TMTC1: variants seen among roughly 807,000 people sequenced by gnomAD.
TMTC1 encodes transmembrane O-mannosyltransferase targeting cadherins 1, also known as protein O-mannosyl-transferase TMTC1.
TMTC1 carries 73 observed loss-of-function variants against 104.8 expected under a neutral mutation model. The observed-to-expected ratio is 0.70, with a 90% confidence interval of 0.58 to 0.85. TMTC1 has a LOEUF of 0.85. TMTC1 is among the 40% of genes least tolerant of loss of function. The pLI, the probability that TMTC1 is intolerant of heterozygous loss-of-function variation, is 0.00. For synonymous variants in TMTC1, 434 were observed against 428.7 expected (o/e 1.01, Z -0.15); for missense variants, 1,035 against 1,096.1 (o/e 0.94, Z 0.79).
chr12:29,708,801 A>G (rs150220499), intron 5 of TMTC1, among the ~76,000 whole-genome samples: 2 of 152,336 alleles, frequency 1.3e-5, no homozygotes, highest in Non-Finnish European at 2.9e-5. Flanking sequence ...TAGGAGATAG[A>G]GCCTCTGCAA....
In TMTC1 at chr12:29,565,984, G is replaced by C. The variant is rs1222615021; in HGVS notation, c.1532+6121C>G. 2.0e-5 allele frequency among the ~76,000 whole-genome samples: 3 copies of C among 152,312 alleles called. No homozygotes were observed. In the East Asian group the frequency reaches 5.8e-4, roughly 29 times the overall value. ...TAAGGACAAAGATTTCTGCTTTCATGCAGTTTACTGGGTAGAGGAGGGACA... is the reference window on the plus strand; with the variant it reads ...TAAGGACAAAGATTTCTGCTTTCATCCAGTTTACTGGGTAGAGGAGGGACA... On this transcript the variant is annotated intron_variant, in intron 9 of 17. Transcript: ENST00000539277.
At chr12:29,589,057 A>C (rs1354442466) in intron 7 of TMTC1, among the ~76,000 whole-genome samples, 1 of 152,236 alleles carries the variant, frequency 6.6e-6, no homozygotes, top group African/African-American at 2.4e-5. Context: ...TAAAAGCTTA[A>C]CTATCTCCAC....
intron 8 of TMTC1, among the ~76,000 whole-genome samples, chr12:29,577,508 A>G (rs77006157): frequency 2.4e-3 from 373 of 152,278 alleles, no homozygotes; most frequent in African/African-American, 8.7e-3. Flanking sequence ...TGTCACTCCT[A>G]TGGTACACGG....
At chr12:29,638,705 C>T (rs1938683860) in intron 5 of TMTC1, among the ~76,000 whole-genome samples, 1 of 152,118 alleles carries the variant, frequency 6.6e-6, no homozygotes, top group Non-Finnish European at 1.5e-5. Context: ...AAGACTCTCC[C>T]CATGACCGGC....
Position 29,591,858 on chromosome 12 carries a change from ATAGT to A in TMTC1, c.1251-8288_1251-8285del, listed in dbSNP as rs894346206. ...CTTGTTAGCAGCGAATTGTTGTGTA[ATAGT>A]TAGTACAAATGTACTTTCCTGAAAC... On this transcript the variant is annotated intron_variant, in intron 7 of 17. Coordinates refer to ENST00000539277, the MANE Select transcript of TMTC1 (RefSeq NM_001193451.2). 3.8e-4 allele frequency among the ~76,000 whole-genome samples: 58 copies of A among 152,346 alleles called. 1 individual carries two copies. Among genetic ancestry groups the A allele is most frequent in the African/African-American group, 1.3e-3 (52 of 41,574 alleles).
chr12:29,568,300 G>T (rs537939296), intron 9 of TMTC1, among the ~76,000 whole-genome samples: 5 of 152,074 alleles, frequency 3.3e-5, no homozygotes, highest in Non-Finnish European at 7.4e-5. Context: ...AGTGTGAAGA[G>T]GAATTATTTC....
intron 5 of TMTC1, among the ~76,000 whole-genome samples, chr12:29,726,136 T>C (rs991453809): frequency 8.5e-5 from 13 of 152,130 alleles, no homozygotes; most frequent in Admixed American, 8.5e-4. Context: ...GAAAAAACAA[T>C]GCAGTCAGTC....
intron 16 of TMTC1, among the ~76,000 whole-genome samples, chr12:29,513,006 G>A (rs1943882325): frequency 6.6e-6 from 1 of 152,132 alleles, no homozygotes; most frequent in African/African-American, 2.4e-5. Flanking sequence ...TTAGGGGAAA[G>A]AAAGAAATGT....
intron 5 of TMTC1, among the ~76,000 whole-genome samples, chr12:29,654,568 A>C (rs2136615199): frequency 6.6e-6 from 1 of 152,324 alleles, no homozygotes; most frequent in Admixed American, 6.5e-5. Context: ...TAAAACATAA[A>C]GTTAACATTT....
At chr12:29,605,863 CCCCT>C (rs1195967276) in intron 6 of TMTC1, among the ~76,000 whole-genome samples, 2 of 152,154 alleles carry the variant, frequency 1.3e-5, no homozygotes, top group Non-Finnish European at 2.9e-5. Context: ...GCCTCCCTTT[CCCCT>C]CCCTCCTTTC....
chr12:29,696,784 T>A (rs978047424), intron 5 of TMTC1, among the ~76,000 whole-genome samples: 9 of 152,144 alleles, frequency 5.9e-5, no homozygotes, highest in African/African-American at 2.2e-4. Context: ...ATGGAGAAGG[T>A]ATTTTGTGCA....
chr12:29,640,824 G>A (rs1262645990), intron 5 of TMTC1: 1 of 152,250 alleles, frequency 6.6e-6, no homozygotes, highest in Non-Finnish European at 1.5e-5. Flanking sequence ...ACAGGCTAGG[G>A]AAGAACCAAG....
intron 5 of TMTC1, chr12:29,666,144 A>G (rs1940267769): frequency 1.6e-5 from 7 of 430,064 alleles, no homozygotes; most frequent in South Asian, 1.2e-4. Context: ...TAACACATAT[A>G]GCAAGATGAT....
intron 5 of TMTC1, among the ~76,000 whole-genome samples, chr12:29,728,518 C>T (rs1254289037): frequency 6.6e-6 from 1 of 152,138 alleles, no homozygotes; most frequent in Non-Finnish European, 1.5e-5. Context: ...GGAATGACTA[C>T]CCAGAAGCTT....
chr12:29,630,742 A>G (rs1027665506), intron 6 of TMTC1, among the ~76,000 whole-genome samples: 1 of 152,230 alleles, frequency 6.6e-6, no homozygotes, highest in Non-Finnish European at 1.5e-5. Context: ...ATTCACAGAC[A>G]CGATATTCAT....
In TMTC1 at chr12:29,514,568, G is replaced by T; in HGVS notation, c.2344C>A (p.Pro782Thr). 5 of 1,614,034 alleles carry T rather than the reference G, an allele frequency of 3.1e-6. No individual in the cohort carries two copies. Among genetic ancestry groups the T allele is most frequent in the Non-Finnish European group, 2.5e-6 (3 of 1,179,962 alleles). The change falls in exon 16 of 18, where the codon CCA (proline) becomes ACA (threonine). Residue 782 changes from proline to threonine, a missense_variant. Coordinates refer to ENST00000539277, the MANE Select transcript of TMTC1 (RefSeq NM_001193451.2). The part of the protein sequence containing the change: ...DAIDKALQLK[P>T]KDPKVISELF... ...TCAGAAATGACTTTTGGGTCCTTTG[G>T]TTTCAGCTGGAGAGCCTTGTCTATA...
chr12:29,775,485 T>C (rs998382812), intron 1 of TMTC1, among the ~76,000 whole-genome samples: 1 of 152,136 alleles, frequency 6.6e-6, no homozygotes, highest in African/African-American at 2.4e-5. Context: ...CCTATACTTA[T>C]GGCTATAGTT....
intron 5 of TMTC1, among the ~76,000 whole-genome samples, chr12:29,636,888 T>C (rs1484058781): frequency 1.4e-5 from 2 of 146,202 alleles, no homozygotes; most frequent in South Asian, 4.3e-4. Flanking sequence ...CTACAAAAAA[T>C]TAAAAAAAAA....
intron 5 of TMTC1, among the ~76,000 whole-genome samples, chr12:29,670,807 T>C (rs932237744): frequency 2.0e-5 from 3 of 151,194 alleles, no homozygotes; most frequent in Admixed American, 2.0e-4. Context: ...GGCACATGCC[T>C]GTAGTCCCAG....
Sources: gnomAD v4.1 joint callset for allele counts (sites outside exome capture counted in the v4.1 genomes callset) on GRCh38, gnomAD v4.1.1 for gene constraint, MANE v1.5 for transcripts, NCBI Gene and HGNC (gene_info 2026-07-23, HGNC 2026-07-21) for gene names.